Variants in RALGPS1 observed in about 807,000 individuals in gnomAD.
RALGPS1 encodes Ral GEF with PH domain and SH3 binding motif 1, also known as ras-specific guanine nucleotide-releasing factor RalGPS1.
RALGPS1 carries 19 observed loss-of-function variants against 78.8 expected under a neutral mutation model. The ratio of observed to expected loss-of-function variants is 0.24; its 90% confidence interval spans 0.17 to 0.35. The LOEUF is 0.35. Ranked by LOEUF, RALGPS1 falls within the 10% of genes least tolerant of loss-of-function variation. The pLI, the probability that RALGPS1 is intolerant of heterozygous loss-of-function variation, is 1.00. For missense variants in RALGPS1, 454 were observed against 688.3 expected (o/e 0.66, Z 3.81); for synonymous variants, 228 against 256.3 (o/e 0.89, Z 1.06).
intron 1 of RALGPS1, among the ~76,000 whole-genome samples, chr9:126,949,033 T>G (rs2037551384): frequency 6.6e-6 from 1 of 152,070 alleles, no homozygotes; most frequent in African/African-American, 2.4e-5. Flanking sequence ...TTCTCATTGT[T>G]CAATTCCCAT....
intron 14 of RALGPS1, among the ~76,000 whole-genome samples, chr9:127,202,870 C>T (rs1185394928): frequency 6.6e-6 from 1 of 152,156 alleles, no homozygotes; most frequent in Non-Finnish European, 1.5e-5. Context: ...GCCCCCAGCA[C>T]ACTCTGCTCT....
At chr9:126,954,850 A>G (rs1055011285) in intron 1 of RALGPS1, among the ~76,000 whole-genome samples, 5 of 152,056 alleles carry the variant, frequency 3.3e-5, no homozygotes, top group Non-Finnish European at 7.4e-5. Flanking sequence ...GTATACTCCA[A>G]ATGAAACCCC....
chr9:127,020,825 A>G (rs550473464), intron 4 of RALGPS1, among the ~76,000 whole-genome samples: 1 of 152,326 alleles, frequency 6.6e-6, no homozygotes, highest in South Asian at 2.1e-4. Flanking sequence ...TGGCTCTCAT[A>G]TTGAACACAT....
At chr9:127,008,703 C>T (rs142575795) in intron 4 of RALGPS1, among the ~76,000 whole-genome samples, 86 of 152,268 alleles carry the variant, frequency 5.6e-4, no homozygotes, top group African/African-American at 2.0e-3. Context: ...TCTACCACAA[C>T]CAGATATGTA....
At chr9:126,975,903 G>A (rs557786200) in intron 3 of RALGPS1, among the ~76,000 whole-genome samples, 1 of 152,282 alleles carries the variant, frequency 6.6e-6, no homozygotes, top group South Asian at 2.1e-4. Context: ...CCAGGCTGGT[G>A]GCAGCATCTC....
chr9:127,210,800 C>G, intron 14 of RALGPS1: 1 of 1,534,178 alleles, frequency 6.5e-7, no homozygotes, highest in African/African-American at 1.4e-5. Context: ...TTCATGTGTT[C>G]ATTTGTTTGA....
chr9:127,116,397 A>G (rs1023960072), intron 8 of RALGPS1, among the ~76,000 whole-genome samples: 2 of 152,174 alleles, frequency 1.3e-5, no homozygotes, highest in African/African-American at 2.4e-5. Flanking sequence ...ACTTTTTCAC[A>G]GTGCGTTATT....
chr9:127,171,775 A>G (rs966959873), intron 10 of RALGPS1, among the ~76,000 whole-genome samples: 1 of 152,202 alleles, frequency 6.6e-6, no homozygotes, highest in Non-Finnish European at 1.5e-5. Context: ...TAATAATAAT[A>G]AAAGAGATCA....
chr9:127,066,340 A>G (rs748653427), intron 7 of RALGPS1, among the ~76,000 whole-genome samples: 1 of 152,212 alleles, frequency 6.6e-6, no homozygotes, highest in Non-Finnish European at 1.5e-5. Context: ...TGGTCGGCTT[A>G]ACAACGGAGC....
Position 127,040,824 on chromosome 9 carries a change from C to G in RALGPS1, c.300+6310C>G, listed in dbSNP as rs180866167. Among the ~76,000 whole-genome samples, 972 of 152,278 alleles carry G rather than the reference C, an allele frequency of 6.4e-3. 8 individuals are homozygous for G. The highest frequency in any genetic ancestry group is 9.2e-3 in the Admixed American group (141 of 15,304). On this transcript the variant is annotated intron_variant, in intron 5 of 18. Coordinates refer to ENST00000259351, the MANE Select transcript of RALGPS1 (RefSeq NM_014636.3). Reference sequence around the variant, plus strand: ...ATCATAAACATGTAGCCTTTTCACACGGACTTTTTTCACTTAGCGATATGT... The same window carrying G: ...ATCATAAACATGTAGCCTTTTCACAGGGACTTTTTTCACTTAGCGATATGT...
intron 8 of RALGPS1, among the ~76,000 whole-genome samples, chr9:127,114,757 A>C (rs1223607781): frequency 7.2e-5 from 11 of 152,260 alleles, no homozygotes; most frequent in Admixed American, 3.9e-4. Flanking sequence ...CTGCCAAGGC[A>C]GTCAGGGAAT....
intron 3 of RALGPS1, among the ~76,000 whole-genome samples, chr9:126,971,746 T>C (rs2040142955): frequency 6.6e-6 from 1 of 152,150 alleles, no homozygotes. Flanking sequence ...ATGCAATTAC[T>C]TGTGGAATTA....
Position 127,108,286 on chromosome 9 carries a change from C to T in RALGPS1, c.610+38930C>T, listed in dbSNP as rs752053998. 1.2e-5 allele frequency: 20 copies of T among 1,613,866 alleles called. No individual in the cohort carries two copies. Among genetic ancestry groups the T allele is most frequent in the African/African-American group, 2.7e-5 (2 of 74,856 alleles). Reference sequence around the variant, plus strand: ...CTGGGAGAGCTCCAACGCGTTGTCCCGCTTGCGGATGATCTCGTGCAGGAG... The same window carrying T: ...CTGGGAGAGCTCCAACGCGTTGTCCTGCTTGCGGATGATCTCGTGCAGGAG... On this transcript the variant is annotated intron_variant, in intron 8 of 18. Transcript: ENST00000259351.
Position 127,214,781 on chromosome 9 carries a change from G to C in RALGPS1, c.1583G>C (p.Arg528Pro), listed in dbSNP as rs1036838525. ...GTTTACAAGTTTCAGACTGGTTCCC[G>C]ATTTCATGCAATACTGTGGCACAAG... Reference protein sequence around the residue: ...GNVYKFQTGSRFHAILWHKHL... With the variant: ...GNVYKFQTGSPFHAILWHKHL... The change falls in exon 18 of 19, where the codon CGA (arginine) becomes CCA (proline). Residue 528 changes from arginine to proline, a missense_variant. Physicochemically the swap from Arg to Pro is moderately radical, Grantham distance 103 (BLOSUM62 -2). Transcript: ENST00000259351. The C allele has an allele frequency of 1.2e-6, 2 of 1,610,416 alleles. No individual in the cohort carries two copies. The highest frequency in any genetic ancestry group is 2.7e-5 in the African/African-American group (2 of 74,654).
At chr9:127,203,840 C>T (rs755992853) in intron 14 of RALGPS1, among the ~76,000 whole-genome samples, 44 of 152,146 alleles carry the variant, frequency 2.9e-4, no homozygotes, top group Non-Finnish European at 5.7e-4. Context: ...AGAGAGCCCT[C>T]GAGGCAGGAC....
chr9:126,964,802 C>T (rs1026254796), intron 2 of RALGPS1, among the ~76,000 whole-genome samples: 6 of 152,124 alleles, frequency 3.9e-5, no homozygotes. Context: ...CCTCACTGGC[C>T]TAAAAGCACT....
chr9:127,180,946 C>T (rs965735473), intron 11 of RALGPS1, among the ~76,000 whole-genome samples: 2 of 152,248 alleles, frequency 1.3e-5, no homozygotes, highest in African/African-American at 4.8e-5. Context: ...GCCTGGGCCT[C>T]CTGACAGCAT....
chr9:126,917,480 G>C (rs1331368513), intron 1 of RALGPS1, among the ~76,000 whole-genome samples: 2 of 152,236 alleles, frequency 1.3e-5, no homozygotes, highest in Admixed American at 6.5e-5. Flanking sequence ...TCAGTATGGA[G>C]GGTAAGAGCT....
intron 18 of RALGPS1, chr9:127,217,469 G>A: frequency 4.1e-6 from 4 of 981,856 alleles, no homozygotes; most frequent in Non-Finnish European, 4.8e-6. Context: ...AGTGACTAGA[G>A]TGATTTTCTG....
Sources: allele counts gnomAD v4.1 joint callset (sites outside exome capture counted in the v4.1 genomes callset), GRCh38; gene constraint gnomAD v4.1.1; transcripts MANE v1.5; gene names NCBI Gene and HGNC (gene_info 2026-07-23, HGNC 2026-07-21).